The following KLHL1 variants were observed in gnomAD, a reference collection of about 807,000 sequenced individuals.
KLHL1 encodes kelch-like protein 1.
In KLHL1, 47 loss-of-function variants were observed where a neutral mutation model predicts 77.7. The observed-to-expected ratio is 0.60, with a 90% CI of 0.48 to 0.77. The LOEUF (loss-of-function observed/expected upper bound fraction) is 0.77. KLHL1 is among the 30% of genes least tolerant of loss of function. KLHL1 has a pLI of 0.00. For synonymous variants in KLHL1, 360 were observed against 325.2 expected, an observed-to-expected ratio of 1.11 and a Z score of -1.15; for missense variants, 925 against 910.8, an observed-to-expected ratio of 1.02 and a Z score of -0.20.
At chr13:69,993,093 T>G (rs955321847) in intron 1 of KLHL1, among the ~76,000 whole-genome samples, 3 of 152,058 alleles carry the variant, frequency 2.0e-5, no homozygotes, top group African/African-American at 7.2e-5. Context: ...ATATAATTTT[T>G]CAATCTTATA....
chr13:69,780,715 T>TATATATAC (rs1566243724), intron 7 of KLHL1, among the ~76,000 whole-genome samples: 12 of 27,798 alleles, frequency 4.3e-4, no homozygotes, highest in Non-Finnish European at 7.2e-4. Context: ...TATATATATA[T>TATATATAC]GTATATATAT....
rs996959760 is a variant in KLHL1 at position 69,875,848 on chromosome 13, C to T, written c.1227+6435G>A. 2.6e-5 allele frequency among the ~76,000 whole-genome samples: 4 copies of T among 151,478 alleles called. No homozygotes were observed. In the East Asian group the frequency reaches 7.7e-4, roughly 29 times the overall value. ...AGATTTCTTTTGGAGAAAAGTAATC[C>T]TATTCTTTTTTTTTTCTTACTCCTG... is the stretch of plus-strand genomic sequence containing the variant. On this transcript the variant is annotated intron_variant, in intron 5 of 10. Transcript: ENST00000377844.
At chr13:70,074,024 C>T (rs1887202282) in intron 1 of KLHL1, among the ~76,000 whole-genome samples, 1 of 151,928 alleles carries the variant, frequency 6.6e-6, no homozygotes, top group African/African-American at 2.4e-5. Flanking sequence ...TGGGGTTTCT[C>T]CATGTTGGTC....
chr13:70,054,077 CTTTGCTCAGTTACATTTATAAA>C (rs1469230525), intron 1 of KLHL1, among the ~76,000 whole-genome samples: 12 of 152,088 alleles, frequency 7.9e-5, no homozygotes, highest in African/African-American at 2.7e-4. Flanking sequence ...TCCTCTGTCA[CTTTGCTCAGTTACATTTATAAA>C]TCAAGAAAAA....
intron 1 of KLHL1, among the ~76,000 whole-genome samples, chr13:69,989,617 A>G (rs1369463034): frequency 6.6e-6 from 1 of 151,660 alleles, no homozygotes; most frequent in Non-Finnish European, 1.5e-5. Flanking sequence ...CCATTTGTTT[A>G]TGTAATTTAT....
In KLHL1 at chr13:69,820,713, C is replaced by T. The variant is rs139354376; in HGVS notation, c.1414+18263G>A. On this transcript the variant is annotated intron_variant, in intron 6 of 10. Coordinates refer to ENST00000377844, the MANE Select transcript of KLHL1 (RefSeq NM_020866.3). Reference sequence around the variant, plus strand: ...TCAAGGGACATTCAGGCCGAATTTGCTCTGCATACATCAAAGAATGCTGTT... The same window carrying T: ...TCAAGGGACATTCAGGCCGAATTTGTTCTGCATACATCAAAGAATGCTGTT... Among the ~76,000 whole-genome samples, 787 of 152,268 alleles carry T rather than the reference C, an allele frequency of 5.2e-3. 4 individuals carry two copies. The highest frequency in any genetic ancestry group is 0.018 in the African/African-American group (728 of 41,542).
intron 1 of KLHL1, among the ~76,000 whole-genome samples, chr13:70,054,269 T>C (rs759292473): frequency 1.3e-5 from 2 of 152,028 alleles, no homozygotes; most frequent in African/African-American, 2.4e-5. Context: ...ATATCTATCT[T>C]GGTAAACTTT....
intron 4 of KLHL1, among the ~76,000 whole-genome samples, chr13:69,892,020 T>C (rs993233994): frequency 1.3e-5 from 2 of 152,130 alleles, no homozygotes; most frequent in Non-Finnish European, 2.9e-5. Flanking sequence ...CATGCATGTA[T>C]AAATTATTAG....
chr13:69,896,099 G>A (rs148563457), intron 4 of KLHL1, among the ~76,000 whole-genome samples: 9 of 152,100 alleles, frequency 5.9e-5, no homozygotes, highest in African/African-American at 9.6e-5. Flanking sequence ...CTTGGTGGCC[G>A]TTGCCTGGAG....
At chr13:69,908,892 G>A (rs1385154272) in intron 4 of KLHL1, among the ~76,000 whole-genome samples, 2 of 149,458 alleles carry the variant, frequency 1.3e-5, no homozygotes, top group Admixed American at 6.7e-5. Flanking sequence ...CCTTTCTTAG[G>A]CTACATTATT....
At chr13:70,036,768 C>A (rs1212196802) in intron 1 of KLHL1, among the ~76,000 whole-genome samples, 3 of 150,414 alleles carry the variant, frequency 2.0e-5, no homozygotes, top group African/African-American at 7.3e-5. Flanking sequence ...TTATTCATCC[C>A]ACTTTTCTTG....
chr13:69,851,083 A>C (rs1879668339), intron 5 of KLHL1, among the ~76,000 whole-genome samples: 1 of 151,388 alleles, frequency 6.6e-6, no homozygotes, highest in Admixed American at 6.6e-5. Flanking sequence ...CTTAGTAGTC[A>C]CAACTGAAAA....
intron 1 of KLHL1, among the ~76,000 whole-genome samples, chr13:70,106,923 G>A (rs968374161): frequency 6.6e-6 from 1 of 152,190 alleles, no homozygotes; most frequent in African/African-American, 2.4e-5. Flanking sequence ...TCAGGAATAT[G>A]AGAACTATTC....
At chr13:69,772,698 C>A (rs1053341315) in intron 7 of KLHL1, among the ~76,000 whole-genome samples, 2 of 152,064 alleles carry the variant, frequency 1.3e-5, no homozygotes, top group African/African-American at 4.8e-5. Flanking sequence ...AAGTATCTTG[C>A]AGGTAATAGG....
chr13:69,926,959 A>AAAAAAAG, intron 4 of KLHL1, among the ~76,000 whole-genome samples: 1 of 148,926 alleles, frequency 6.7e-6, no homozygotes, highest in Admixed American at 6.7e-5. Flanking sequence ...AAAAAAAAAA[A>AAAAAAAG]AAAAAAAAAA....
At chr13:70,103,797 G>A (rs1409390058) in intron 1 of KLHL1, among the ~76,000 whole-genome samples, 1 of 152,098 alleles carries the variant, frequency 6.6e-6, no homozygotes, top group Non-Finnish European at 1.5e-5. Flanking sequence ...GACAGAATAG[G>A]AATTATAAGC....
At chr13:70,063,335 A>G (rs1481306985) in intron 1 of KLHL1, among the ~76,000 whole-genome samples, 4 of 152,138 alleles carry the variant, frequency 2.6e-5, no homozygotes, top group Admixed American at 2.6e-4. Flanking sequence ...TTTTACATTC[A>G]TGAAGTATAA....
At chr13:69,939,346 T>C (rs1240974197) in intron 4 of KLHL1, among the ~76,000 whole-genome samples, 1 of 35,572 alleles carries the variant, frequency 2.8e-5, no homozygotes, top group Admixed American at 2.3e-4. Context: ...CATACATATA[T>C]ATATATATAT....
Position 69,935,609 on chromosome 13 carries a change from C to G in KLHL1, c.1014+4431G>C, listed in dbSNP as rs757283497. On this transcript the variant is annotated intron_variant, in intron 4 of 10. Transcript: ENST00000377844. ...AGATCTGAATGAGGTAGAGAAGAAA[C>G]AGATATAAATATTTGGCAGAAGAGT... 2.0e-4 allele frequency among the ~76,000 whole-genome samples: 30 copies of G among 151,952 alleles called. 2 individuals carry two copies. Among genetic ancestry groups the G allele is most frequent in the Non-Finnish European group, 3.4e-4 (23 of 68,014 alleles).
Sources: allele counts gnomAD v4.1 joint callset (sites outside exome capture counted in the v4.1 genomes callset), GRCh38; gene constraint gnomAD v4.1.1; transcripts MANE v1.5; gene names NCBI Gene and HGNC (gene_info 2026-07-23, HGNC 2026-07-21).